Variants in ENTREP2 observed in about 807,000 individuals in gnomAD.
ENTREP2 encodes protein ENTREP2.
chr15:29,468,610 CAAAA>C, the ENTREP2 span, among the ~76,000 whole-genome samples: 2 of 102,504 alleles, frequency 2.0e-5, no homozygotes, highest in Non-Finnish European at 4.1e-5. Context: ...AACTCCATCT[CAAAA>C]AAAAAAAAAA....
At chr15:29,459,177 A>T in the ENTREP2 span, among the ~76,000 whole-genome samples, 12 of 152,000 alleles carry the variant, frequency 7.9e-5, no homozygotes, top group Non-Finnish European at 2.9e-5. Context: ...CTCCCGCACC[A>T]CTCCATGCGT....
At chr15:29,393,762 G>A in the ENTREP2 span, among the ~76,000 whole-genome samples, 5 of 151,740 alleles carry the variant, frequency 3.3e-5, no homozygotes, top group African/African-American at 9.7e-5. Context: ...ATTAACAAAT[G>A]TTATAAGTTA....
At chr15:29,334,200 C>T in the ENTREP2 span, among the ~76,000 whole-genome samples, 1 of 152,144 alleles carries the variant, frequency 6.6e-6, no homozygotes, top group Non-Finnish European at 1.5e-5. Context: ...AGAGATGTTC[C>T]AGCAACTTCC....
the ENTREP2 span, among the ~76,000 whole-genome samples, chr15:29,254,561 T>A: frequency 3.3e-5 from 5 of 151,896 alleles, no homozygotes; most frequent in African/African-American, 7.3e-5. Context: ...TCTATTTTTT[T>A]AAAAAGCTGA....
chr15:29,549,387 A>G, the ENTREP2 span, among the ~76,000 whole-genome samples: 1 of 151,460 alleles, frequency 6.6e-6, no homozygotes, highest in African/African-American at 2.4e-5. Context: ...CTCCTGCCTT[A>G]GCCTCCCGAG....
the ENTREP2 span, among the ~76,000 whole-genome samples, chr15:29,592,384 A>G: frequency 2.0e-5 from 3 of 152,220 alleles, no homozygotes; most frequent in Non-Finnish European, 2.9e-5. Flanking sequence ...GTATTGGCTC[A>G]TGGCTCTGGA....
the ENTREP2 span, among the ~76,000 whole-genome samples, chr15:29,148,989 G>C: frequency 2.0e-5 from 3 of 151,982 alleles, no homozygotes; most frequent in East Asian, 5.8e-4. Context: ...CCAATTTCCT[G>C]CCTCAGCCTC....
At chr15:29,649,057 T>TACACACACACACAC in the ENTREP2 span, among the ~76,000 whole-genome samples, 394 of 144,964 alleles carry the variant, frequency 2.7e-3, 1 homozygote, top group Non-Finnish European at 4.0e-3. Flanking sequence ...GGGACACATG[T>TACACACACACACAC]ACACACACAC....
At chr15:29,416,144 T>G in the ENTREP2 span, among the ~76,000 whole-genome samples, 6 of 152,248 alleles carry the variant, frequency 3.9e-5, no homozygotes, top group South Asian at 1.2e-3. Flanking sequence ...TGGAAAAAAC[T>G]ACTTTAAAGT....
the ENTREP2 span, among the ~76,000 whole-genome samples, chr15:29,198,340 A>G: frequency 1.3e-5 from 2 of 152,236 alleles, no homozygotes; most frequent in Admixed American, 6.5e-5. Flanking sequence ...GCACCCCTGC[A>G]GAACTGTTCT....
the ENTREP2 span, among the ~76,000 whole-genome samples, chr15:29,213,460 T>C: frequency 1.3e-5 from 2 of 152,200 alleles, no homozygotes; most frequent in African/African-American, 4.8e-5. Flanking sequence ...ATCTCTTTTA[T>C]TTCTTTGAGC....
At chr15:29,447,474 T>A in the ENTREP2 span, among the ~76,000 whole-genome samples, 6 of 152,140 alleles carry the variant, frequency 3.9e-5, no homozygotes, top group African/African-American at 1.4e-4. Context: ...TGAATTTTTT[T>A]ATTTTCTTTG....
the ENTREP2 span, among the ~76,000 whole-genome samples, chr15:29,124,256 G>A: frequency 1.5e-4 from 23 of 152,194 alleles, no homozygotes; most frequent in Admixed American, 2.0e-4. Flanking sequence ...GGCCAGCTCC[G>A]GGCTGTCAGT....
the ENTREP2 span, among the ~76,000 whole-genome samples, chr15:29,280,502 C>G: frequency 9.8e-5 from 15 of 152,294 alleles, no homozygotes; most frequent in African/African-American, 3.1e-4. Flanking sequence ...GAGGAAGAGG[C>G]AGGATACAGG....
chr15:29,479,852 T>G, the ENTREP2 span, among the ~76,000 whole-genome samples: 1 of 152,110 alleles, frequency 6.6e-6, no homozygotes, highest in Non-Finnish European at 1.5e-5. Context: ...TCTGGAATTG[T>G]AGCAGCTGCT....
chr15:29,357,229 T>C, the ENTREP2 span, among the ~76,000 whole-genome samples: 2,544 of 152,022 alleles, frequency 0.017, 76 homozygotes, highest in African/African-American at 0.059. Context: ...TCTGATTCTG[T>C]AGGGGAGAAA....
chr15:29,139,438 G>A, the ENTREP2 span, among the ~76,000 whole-genome samples: 5 of 152,348 alleles, frequency 3.3e-5, no homozygotes, highest in South Asian at 1.0e-3. Flanking sequence ...GAAGCAGGGC[G>A]AGGGCAAATG....
At chr15:29,198,996 G>C in the ENTREP2 span, among the ~76,000 whole-genome samples, 1 of 152,158 alleles carries the variant, frequency 6.6e-6, no homozygotes, top group Non-Finnish European at 1.5e-5. Context: ...CTATTCTCTT[G>C]TCACGGGACG....
At chr15:29,308,773 C>A in the ENTREP2 span, among the ~76,000 whole-genome samples, 1 of 152,140 alleles carries the variant, frequency 6.6e-6, no homozygotes, top group Admixed American at 6.5e-5. Context: ...AGTTAAAGAC[C>A]CTTGAAAAAC....
Sources: gnomAD v4.1 joint callset for allele counts (sites outside exome capture counted in the v4.1 genomes callset) on GRCh38, gnomAD v4.1.1 for gene constraint, MANE v1.5 for transcripts, NCBI Gene and HGNC (gene_info 2026-07-23, HGNC 2026-07-21) for gene names.